COL4A6: variants seen among roughly 807,000 people sequenced by gnomAD.
COL4A6 encodes collagen type IV alpha 6 chain.
COL4A6 carries 59 observed loss-of-function variants against 126.7 expected under a neutral mutation model. The ratio of observed to expected loss-of-function variants is 0.47; its 90% CI spans 0.38 to 0.58. COL4A6 has a LOEUF of 0.58. Ranked by LOEUF, COL4A6 falls within the 20% of genes least tolerant of loss-of-function variation. COL4A6 has a pLI of 0.00. For missense variants in COL4A6, 1,285 were observed against 1,337.3 expected (o/e 0.96, Z 0.61); for synonymous variants, 547 against 496.6 (o/e 1.10, Z -1.35).
chrX:108,295,121 A>C (rs144852200), intron 3 of COL4A6, among the ~76,000 whole-genome samples: 55 of 112,271 alleles, frequency 4.9e-4, no homozygotes, highest in African/African-American at 1.7e-3. Context: ...GGACAAATAC[A>C]TCTCCATGTG....
intron 3 of COL4A6, among the ~76,000 whole-genome samples, chrX:108,287,987 A>G (rs2038053343): frequency 9.0e-6 from 1 of 111,645 alleles, no homozygotes; most frequent in Non-Finnish European, 1.9e-5. Context: ...TCTGAAAACC[A>G]TTGTTTTCCT....
intron 2 of COL4A6, among the ~76,000 whole-genome samples, chrX:108,329,625 T>G (rs965073625): frequency 1.8e-5 from 2 of 112,126 alleles, no homozygotes; most frequent in Non-Finnish European, 3.8e-5. Flanking sequence ...TTCTGGTATT[T>G]GTTTCACAAT....
chrX:108,325,763 T>C (rs1164379495), intron 2 of COL4A6, among the ~76,000 whole-genome samples: 1 of 107,306 alleles, frequency 9.3e-6, no homozygotes, highest in East Asian at 2.9e-4. Context: ...CGGTTTAACA[T>C]CTAAAAATTA....
intron 2 of COL4A6, among the ~76,000 whole-genome samples, chrX:108,408,335 GAGAAAGAAAGAAAGAA>G (rs60742058): frequency 9.9e-6 from 1 of 100,812 alleles, no homozygotes; most frequent in Non-Finnish European, 2.0e-5. Context: ...AAAAGAAAGA[GAGAAAGAAAGAAAGAA>G]AGAAAGAAAG....
At chrX:108,277,312 A>T (rs777741839) in intron 3 of COL4A6, among the ~76,000 whole-genome samples, 1 of 112,092 alleles carries the variant, frequency 8.9e-6, no homozygotes, top group South Asian at 3.8e-4. Flanking sequence ...CGGTGGGCTT[A>T]AAAAACGGCG....
At chrX:108,238,034 ATATC>A (rs59088315) in intron 3 of COL4A6, among the ~76,000 whole-genome samples, 34,117 of 86,214 alleles carry the variant, frequency 0.4, 6,099 homozygotes, top group Non-Finnish European at 0.44. Context: ...TCACCTCTCT[ATATC>A]TATCTATCTA....
chrX:108,182,267 G>A (rs1197279070), intron 23 of COL4A6, among the ~76,000 whole-genome samples: 2 of 112,517 alleles, frequency 1.8e-5, no homozygotes, highest in African/African-American at 6.5e-5. Context: ...ACAGTGTCTA[G>A]CACTCTGGTA....
intron 2 of COL4A6, among the ~76,000 whole-genome samples, chrX:108,356,224 T>TA (rs1904546683): frequency 9.3e-6 from 1 of 107,670 alleles, no homozygotes; most frequent in Admixed American, 1.0e-4. Context: ...TTGCGATAGT[T>TA]TACTGAGAAT....
chrX:108,426,531 T>TA (rs2064090105), intron 2 of COL4A6, among the ~76,000 whole-genome samples: 1 of 111,929 alleles, frequency 8.9e-6, no homozygotes, highest in Admixed American at 9.5e-5. Context: ...GGGAAGCAGG[T>TA]CTCTACAGGA....
intron 2 of COL4A6, among the ~76,000 whole-genome samples, chrX:108,350,409 G>C (rs1691499741): frequency 9.0e-6 from 1 of 111,107 alleles, no homozygotes; most frequent in Admixed American, 9.6e-5. Flanking sequence ...GAAACTTGTA[G>C]GAAATACAGA....
At chrX:108,359,018 G>A (rs1285881380) in intron 2 of COL4A6, among the ~76,000 whole-genome samples, 7 of 111,816 alleles carry the variant, frequency 6.3e-5, no homozygotes, top group African/African-American at 2.0e-4. Context: ...TTTGAATATG[G>A]TTCAAGACAG....
intron 3 of COL4A6, among the ~76,000 whole-genome samples, chrX:108,236,967 A>G (rs745852478): frequency 1.8e-5 from 2 of 111,786 alleles, no homozygotes; most frequent in Admixed American, 1.9e-4. Context: ...ATTTTGCCCA[A>G]AGGCTCTTGT....
intron 3 of COL4A6, among the ~76,000 whole-genome samples, chrX:108,282,620 C>T (rs2037874289): frequency 9.1e-6 from 1 of 109,728 alleles, no homozygotes; most frequent in African/African-American, 3.3e-5. Context: ...CTAGAAATAC[C>T]ATTTGACCCA....
chrX:108,279,647 T>A (rs2037738806), intron 3 of COL4A6, among the ~76,000 whole-genome samples: 1 of 111,766 alleles, frequency 8.9e-6, no homozygotes, highest in Admixed American at 9.5e-5. Context: ...GTGGACCTGA[T>A]AGACATCTAC....
At chrX:108,280,088 A>G (rs1395687223) in intron 3 of COL4A6, among the ~76,000 whole-genome samples, 2 of 111,585 alleles carry the variant, frequency 1.8e-5, no homozygotes, top group Non-Finnish European at 3.8e-5. Context: ...AAAGAACTAG[A>G]AAAGCAAGAG....
At position 108,208,089 on chromosome X, in the gene COL4A6, T is replaced by C. The variant is rs753357957; in HGVS notation, c.547-1509A>G. On this transcript the variant is annotated intron_variant, in intron 8 of 44. Transcript: ENST00000334504. ...ATATTATCAGAGATAAAGAAGGACA[T>C]TTCAAAATGATAAAATAGGTCAATT... Among the ~76,000 whole-genome samples, 9 of 112,092 alleles carry C rather than the reference T, an allele frequency of 8.0e-5. No individual in the cohort carries two copies. In the South Asian group the frequency reaches 3.3e-3, roughly 42 times the overall value.
chrX:108,434,363 C>G (rs750363934), intron 2 of COL4A6, among the ~76,000 whole-genome samples: 6 of 110,101 alleles, frequency 5.4e-5, no homozygotes, highest in Admixed American at 9.7e-5. Flanking sequence ...TATTCACAGG[C>G]ACGATGATGG....
At chrX:108,324,375 C>T (rs151039815) in intron 2 of COL4A6, among the ~76,000 whole-genome samples, 3 of 111,963 alleles carry the variant, frequency 2.7e-5, no homozygotes, top group Non-Finnish European at 5.6e-5. Flanking sequence ...CCACATTTAA[C>T]ACACAAACAG....
chrX:108,229,089 A>G (rs1029070578), intron 3 of COL4A6, among the ~76,000 whole-genome samples: 2 of 112,177 alleles, frequency 1.8e-5, no homozygotes, highest in Admixed American at 1.9e-4. Context: ...GATCACAGAG[A>G]ATCAGTAAGA....
Sources: gnomAD v4.1 joint callset for allele counts (sites outside exome capture counted in the v4.1 genomes callset) on GRCh38, gnomAD v4.1.1 for gene constraint, MANE v1.5 for transcripts, NCBI Gene and HGNC (gene_info 2026-07-23, HGNC 2026-07-21) for gene names.